CPNE3: variants seen among roughly 807,000 people sequenced by gnomAD.
CPNE3 encodes copine-3.
CPNE3 carries 68 observed loss-of-function variants against 63.9 expected under a neutral mutation model. That is an observed-to-expected ratio of 1.06 (90% CI 0.87 to 1.30). The LOEUF is 1.30. Ranked by LOEUF, CPNE3 falls within the 50% of genes most tolerant of loss-of-function variation. The pLI, the probability that CPNE3 is intolerant of heterozygous loss-of-function variation, is 0.00. For synonymous variants in CPNE3, 219 were observed against 197.5 expected (o/e 1.11, Z -0.91); for missense variants, 665 against 578.1 (o/e 1.15, Z -1.54).
chr8:86,519,173 T>C (rs189467736), intron 2 of CPNE3, among the ~76,000 whole-genome samples: 7 of 152,328 alleles, frequency 4.6e-5, no homozygotes, highest in Non-Finnish European at 7.3e-5. Flanking sequence ...AAAATGTATA[T>C]ACAGTAGCCA....
chr8:86,549,874 C>T (rs1821134031), intron 12 of CPNE3, among the ~76,000 whole-genome samples: 1 of 152,188 alleles, frequency 6.6e-6, no homozygotes, highest in Admixed American at 6.5e-5. Flanking sequence ...CACTTCTACT[C>T]ACATCTCCAT....
intron 8 of CPNE3, 39 bp from the exon 9 acceptor site, chr8:86,544,699 CTA>C (rs1821009565): frequency 3.0e-6 from 3 of 998,824 alleles, no homozygotes; most frequent in Non-Finnish European, 4.0e-6. Context: ...TTTAATAAAA[CTA>C]TATTGATTTT....
rs869225401 is a variant in CPNE3, at chr8:86,527,946, A to ATTTTTTTTTTTTTTTT, written c.-10-580_-10-565dup. Among the ~76,000 whole-genome samples, 541 of 85,958 alleles carry ATTTTTTTTTTTTTTTT rather than the reference A, an allele frequency of 6.3e-3. 93 individuals are homozygous for ATTTTTTTTTTTTTTTT. Among genetic ancestry groups the ATTTTTTTTTTTTTTTT allele is most frequent in the Middle Eastern group, 0.039 (4 of 102 alleles). The allele number at this position is 85,958 out of a possible 152,430, so 56.4% of individuals were successfully genotyped here. A position where few individuals can be genotyped will look rare whatever the true frequency, so the allele number is the denominator to read the frequency against. On this transcript the variant is annotated intron_variant, in intron 2 of 16. Coordinates refer to ENST00000517490, the MANE Select transcript of CPNE3 (RefSeq NM_003909.5). The stretch of plus-strand genomic sequence containing the variant: ...AAATTTATAGTTAAGGTAAAAAGAA[A>ATTTTTTTTTTTTTTTT]TTTTTTTTTTTTTTTTTTTTTTTTT...
At chr8:86,533,498 C>T (rs988988412) in intron 6 of CPNE3, among the ~76,000 whole-genome samples, 1 of 151,984 alleles carries the variant, frequency 6.6e-6, no homozygotes, top group Admixed American at 6.6e-5. Flanking sequence ...GCATTCTCAC[C>T]TGTGTAATGG....
Position 86,515,470 on chromosome 8 carries a change from G to A in CPNE3, c.-40G>A, listed in dbSNP as rs904197960. The A allele has an allele frequency of 6.6e-6, 1 of 152,172 alleles. No individual in the cohort carries two copies. The highest frequency in any genetic ancestry group is 2.4e-5 in the African/African-American group (1 of 41,446). 9.4% of individuals were successfully genotyped at this position (152,172 alleles called of 1,614,324 possible). On this transcript the variant is annotated 5_prime_UTR_variant, in exon 2 of 17. Transcript: ENST00000517490. ...TCTGTTTCATTCTCCAGGAAACTCA[G>A]GTTGAATAATTCATCAAATTACACA...
chr8:86,517,282 A>AT (rs1380362050), intron 2 of CPNE3, among the ~76,000 whole-genome samples: 5 of 152,058 alleles, frequency 3.3e-5, no homozygotes, highest in Admixed American at 2.0e-4. Flanking sequence ...AAGTTTCCTC[A>AT]TAAAAAAAAA....
intron 14 of CPNE3, 183 bp downstream of exon 14, chr8:86,551,417 G>A (rs998298987): frequency 4.3e-5 from 25 of 580,468 alleles, no homozygotes; most frequent in Non-Finnish European, 6.6e-5. Flanking sequence ...CAGGTTGGTG[G>A]TTAGGGTGGT....
chr8:86,516,411 C>G (rs1359524265), intron 2 of CPNE3, among the ~76,000 whole-genome samples: 1 of 152,148 alleles, frequency 6.6e-6, no homozygotes, highest in African/African-American at 2.4e-5. Context: ...AAGTTTATGG[C>G]AACCTATTAT....
chr8:86,517,283 TA>T (rs200299604), intron 2 of CPNE3, among the ~76,000 whole-genome samples: 1,522 of 151,390 alleles, frequency 0.01, 30 homozygotes, highest in African/African-American at 0.035. Flanking sequence ...AGTTTCCTCA[TA>T]AAAAAAAAGA....
rs759397786 is a variant in CPNE3 at position 86,529,088 on chromosome 8, T to C, written c.276T>C (p.Asp92=). Residue 92 remains aspartate (D), a synonymous_variant, in exon 4 of 17, where the codon GAT becomes GAC. Coordinates refer to ENST00000517490, the MANE Select transcript of CPNE3 (RefSeq NM_003909.5). ...IDNKTIELSD[D]DFLGECECTL... is the part of the protein sequence containing the mutation. ...ACAAAACTATTGAGCTGAGTGATGA[T>C]GACTTCTTAGGGGAATGTGAATGTA... 1 of 1,614,048 alleles carries C rather than the reference T, an allele frequency of 6.2e-7. No individual in the cohort carries two copies. Among genetic ancestry groups the C allele is most frequent in the Non-Finnish European group, 8.5e-7 (1 of 1,179,962 alleles).
intron 2 of CPNE3, among the ~76,000 whole-genome samples, chr8:86,526,143 G>T (rs1274845200): frequency 6.6e-6 from 1 of 151,976 alleles, no homozygotes; most frequent in East Asian, 1.9e-4. Flanking sequence ...GCAGAGAATT[G>T]CTTGAACCTG....
At chr8:86,535,506 A>G (rs141684025) in intron 6 of CPNE3, among the ~76,000 whole-genome samples, 160 of 152,116 alleles carry the variant, frequency 1.1e-3, no homozygotes, top group African/African-American at 3.6e-3. Context: ...TGTGTCTAGT[A>G]AAAATACAAA....
chr8:86,549,547 T>G (rs1821126918), intron 12 of CPNE3, among the ~76,000 whole-genome samples: 1 of 152,148 alleles, frequency 6.6e-6, no homozygotes, highest in Non-Finnish European at 1.5e-5. Flanking sequence ...AGAATTGAAT[T>G]TGGATCCCTG....
intron 15 of CPNE3, among the ~76,000 whole-genome samples, chr8:86,555,576 C>T (rs1460859381): frequency 6.6e-6 from 1 of 152,160 alleles, no homozygotes; most frequent in African/African-American, 2.4e-5. Flanking sequence ...GATGGAGTCA[C>T]TACTTGATGT....
chr8:86,535,961 A>AT, intron 6 of CPNE3, among the ~76,000 whole-genome samples: 1 of 151,722 alleles, frequency 6.6e-6, no homozygotes, highest in East Asian at 1.9e-4. Flanking sequence ...ACCTACTTTC[A>AT]TTTTGCTTTT....
intron 10 of CPNE3, among the ~76,000 whole-genome samples, 193 bp downstream of exon 10, chr8:86,546,874 C>T (rs575888415): frequency 6.6e-6 from 1 of 152,182 alleles, no homozygotes; most frequent in Non-Finnish European, 1.5e-5. Context: ...CTACACCTGG[C>T]TAATTTTTGT....
intron 12 of CPNE3, among the ~76,000 whole-genome samples, chr8:86,548,659 G>T (rs970119226): frequency 6.6e-6 from 1 of 152,008 alleles, no homozygotes. Context: ...CATGTACTTT[G>T]CTTTATATTA....
At position 86,514,533 on chromosome 8, in the gene CPNE3, G is replaced by C. The variant is rs1198823005; in HGVS notation, c.-57G>C. On this transcript the variant is annotated 5_prime_UTR_variant, in exon 1 of 17. Coordinates refer to ENST00000517490, the MANE Select transcript of CPNE3 (RefSeq NM_003909.5). Reference sequence around the variant, plus strand: ...ACCGTCGCTCGACTTCCACCTCTAAGACTCCCACGTGAGTGCGGGCGTCTC... The same window carrying C: ...ACCGTCGCTCGACTTCCACCTCTAACACTCCCACGTGAGTGCGGGCGTCTC... 6.6e-6 allele frequency: 1 copy of C among 152,246 alleles called. No individual in the cohort carries two copies. Among genetic ancestry groups the C allele is most frequent in the Non-Finnish European group, 1.5e-5 (1 of 68,164 alleles). 9.4% of individuals were successfully genotyped at this position (152,246 alleles called of 1,614,324 possible).
Position 86,554,964 on chromosome 8 carries a change from A to G in CPNE3, c.1234A>G (p.Thr412Ala), listed in dbSNP as rs1821286237. The G allele has an allele frequency of 3.7e-6, 6 of 1,614,178 alleles. No homozygotes were observed. The highest frequency in any genetic ancestry group is 5.1e-6 in the Non-Finnish European group (6 of 1,180,018). ...CGTGGCCAGGTTTGCTGCTGCAGCC[A>G]CGCAACAGCAGACAGCTTCTGTAAG... is the stretch of plus-strand genomic sequence containing the variant. ...NHVARFAAAA[T>A]QQQTASQYFV... Residue 412 changes from threonine (T) to alanine (A), a missense_variant, in exon 15 of 17, where the codon ACG (threonine) becomes GCG (alanine). Coordinates refer to ENST00000517490, the MANE Select transcript of CPNE3 (RefSeq NM_003909.5).
Sources: gnomAD v4.1 joint callset for allele counts (sites outside exome capture counted in the v4.1 genomes callset) on GRCh38, gnomAD v4.1.1 for gene constraint, MANE v1.5 for transcripts, NCBI Gene and HGNC (gene_info 2026-07-23, HGNC 2026-07-21) for gene names.